RALGPS2: variants seen among roughly 807,000 people sequenced by gnomAD.
RALGPS2 encodes the protein Ral GEF with PH domain and SH3 binding motif 2, also known as ras-specific guanine nucleotide-releasing factor RalGPS2.
A neutral mutation model predicts 86.8 loss-of-function variants in RALGPS2; 43 were observed. The ratio of observed to expected loss-of-function variants is 0.50; its 90% CI spans 0.39 to 0.64. The LOEUF is 0.64. RALGPS2 is among the 30% of genes least tolerant of loss of function. RALGPS2 has a pLI of 0.00. For missense variants in RALGPS2, 536 were observed against 694.6 expected (o/e 0.77, Z 2.57); for synonymous variants, 243 against 231.3 (o/e 1.05, Z -0.46).
intron 1 of RALGPS2, chr1:178,747,179 G>T: frequency 9.2e-7 from 1 of 1,083,088 alleles, no homozygotes; most frequent in Non-Finnish European, 1.4e-6. Flanking sequence ...GAAGGTGCTG[G>T]AGCGTCCAGT....
chr1:178,726,201 AT>A (rs1340150936), intron 1 of RALGPS2: 1 of 152,264 alleles, frequency 6.6e-6, no homozygotes, highest in Non-Finnish European at 1.5e-5. Context: ...GCAGTATCGG[AT>A]TAGGTAGGCT....
chr1:178,773,022 G>C (rs1277826781), intron 1 of RALGPS2, among the ~76,000 whole-genome samples: 1 of 152,076 alleles, frequency 6.6e-6, no homozygotes, highest in African/African-American at 2.4e-5. Context: ...GGCTGGTCTC[G>C]AACTCCTGAC....
At chr1:178,844,610 G>C (rs535308472) in intron 8 of RALGPS2, among the ~76,000 whole-genome samples, 3 of 152,162 alleles carry the variant, frequency 2.0e-5, no homozygotes, top group Admixed American at 2.0e-4. Context: ...GGAATAGTTG[G>C]CAAATCTGAA....
chr1:178,896,574 C>T (rs566426121), intron 16 of RALGPS2, among the ~76,000 whole-genome samples: 4 of 148,198 alleles, frequency 2.7e-5, no homozygotes, highest in African/African-American at 7.5e-5. Context: ...CCCACTAACT[C>T]GTCATCTAGC....
intron 8 of RALGPS2, among the ~76,000 whole-genome samples, chr1:178,859,884 T>C (rs1311788507): frequency 7.4e-6 from 1 of 136,030 alleles, no homozygotes; most frequent in Non-Finnish European, 1.6e-5. Context: ...GCCTGGCTAA[T>C]TTTTTTGTAT....
At chr1:178,808,174 A>G (rs1162911631) in intron 5 of RALGPS2, 46 bp downstream of exon 5, 9 of 1,237,162 alleles carry the variant, frequency 7.3e-6, no homozygotes, top group Admixed American at 1.9e-5. Flanking sequence ...CAGTTCCTCA[A>G]TATATACTTT....
chr1:178,825,913 G>A, intron 7 of RALGPS2, among the ~76,000 whole-genome samples: 1 of 152,062 alleles, frequency 6.6e-6, no homozygotes, highest in Admixed American at 6.6e-5. Context: ...TAGGGAGCAG[G>A]GTGAGAGATA....
rs774381829 is a variant in RALGPS2 at position 178,886,096 on chromosome 1, A to G, written c.1168A>G (p.Thr390Ala). The change falls in exon 13 of 20, where the codon ACT (threonine) becomes GCT (alanine). Residue 390 changes from threonine (T) to alanine (A), a missense_variant. Transcript: ENST00000367635. ...APSRGQAESS[T>A]LSSGISIGSS... ...ATCTCGAGGCCAAGCTGAAAGTTCT[A>G]CTCTTTCTAGTGGAATATCAATAGG... 12 of 1,612,678 alleles carry G rather than the reference A, an allele frequency of 7.4e-6. No homozygotes were observed. Among genetic ancestry groups the G allele is most frequent in the East Asian group, 4.5e-5 (2 of 44,838 alleles).
Position 178,920,201 on chromosome 1 carries a change from T to G in RALGPS2, c.*3842T>G, listed in dbSNP as rs1647238584. 1 of 152,074 alleles carries G rather than the reference T, an allele frequency of 6.6e-6. No individual in the cohort carries two copies. The highest frequency in any genetic ancestry group is 2.1e-4 in the South Asian group (1 of 4,834). The allele number at this position is 152,074 out of a possible 1,614,324, so 9.4% of individuals were successfully genotyped here. A position where few individuals can be genotyped will look rare whatever the true frequency, so the allele number is the denominator to read the frequency against. ...CCATGTGAACCTTCTCAAAATGATT[T>G]AAGTACCTTTGATTTTGCTCCCCTA... On this transcript the variant is annotated 3_prime_UTR_variant, in exon 20 of 20. Transcript: ENST00000367635.
rs147230120 is a variant in RALGPS2 at position 178,839,835 on chromosome 1, A to T, written c.607+6285A>T. 3.2e-4 allele frequency among the ~76,000 whole-genome samples: 49 copies of T among 152,344 alleles called. 1 individual carries two copies. In the East Asian group the frequency reaches 7.9e-3, roughly 25 times the overall value. ...AGGAAGATCTGCCAAGCAAATGGAA[A>T]ACAAAAAAAGGGGTTGCGATCCTAG... is the stretch of plus-strand genomic sequence containing the variant. On this transcript the variant is annotated intron_variant, in intron 8 of 19. Coordinates refer to ENST00000367635, the MANE Select transcript of RALGPS2 (RefSeq NM_152663.5).
Position 178,883,938 on chromosome 1 carries a change from G to A in RALGPS2, c.904+405G>A, listed in dbSNP as rs552317173. On this transcript the variant is annotated intron_variant, in intron 11 of 19. Coordinates refer to ENST00000367635, the MANE Select transcript of RALGPS2 (RefSeq NM_152663.5). ...CGGGAGGCAGAGCTTGCAATGAGCC[G>A]AGATCGTGCCACTGCACTCCAGCCT... 3.4e-3 allele frequency among the ~76,000 whole-genome samples: 513 copies of A among 151,990 alleles called. 3 individuals carry two copies. Among genetic ancestry groups the A allele is most frequent in the African/African-American group, 0.012 (490 of 41,448 alleles).
chr1:178,865,877 T>A, intron 8 of RALGPS2: 2 of 885,248 alleles, frequency 2.3e-6, no homozygotes, highest in Non-Finnish European at 3.4e-6. Flanking sequence ...TCAGTAATCT[T>A]AAAAACTATC....
At chr1:178,762,741 G>A (rs899223251) in intron 1 of RALGPS2, among the ~76,000 whole-genome samples, 1 of 152,082 alleles carries the variant, frequency 6.6e-6, no homozygotes, top group Non-Finnish European at 1.5e-5. Flanking sequence ...ATAGATCCTG[G>A]ATATTAGATA....
Position 178,893,949 on chromosome 1 carries a change from T to C in RALGPS2, c.1356T>C (p.His452=). The C allele has an allele frequency of 6.2e-7, 1 of 1,608,656 alleles. No individual in the cohort carries two copies. The highest frequency in any genetic ancestry group is 8.5e-7 in the Non-Finnish European group (1 of 1,176,638). Residue 452 remains histidine (H), a synonymous_variant, in exon 16 of 20, where the codon CAT becomes CAC. Transcript: ENST00000367635. ...SSAESEDLAV[H]LYPGAVTIQG... ...CAGAATCAGAAGATTTGGCAGTACA[T>C]TTATATCCAGGAGCTGTTACTATTC...
chr1:178,728,504 T>G (rs1294630816), intron 1 of RALGPS2, among the ~76,000 whole-genome samples: 1 of 151,986 alleles, frequency 6.6e-6, no homozygotes, highest in African/African-American at 2.4e-5. Context: ...GTGTATCCAT[T>G]TTTTGAATAT....
At chr1:178,859,916 G>A (rs1048723894) in intron 8 of RALGPS2, among the ~76,000 whole-genome samples, 6 of 149,292 alleles carry the variant, frequency 4.0e-5, no homozygotes, top group African/African-American at 9.9e-5. Context: ...ACGGGGTTTC[G>A]CCATGTTAGC....
At chr1:178,869,225 T>C (rs1658601316) in intron 8 of RALGPS2, 1 of 152,062 alleles carries the variant, frequency 6.6e-6, no homozygotes, top group Non-Finnish European at 1.5e-5. Flanking sequence ...TATTGCCAGC[T>C]AGTAGAGAGA....
Position 178,811,417 on chromosome 1 carries a change from T to G in RALGPS2, c.387+13T>G. On this transcript the variant is annotated intron_variant, in intron 6 of 19. Transcript: ENST00000367635. Reference sequence around the variant, plus strand: ...TAAAACTGCTAAGGTAAGAAAAACTTGTGTTTTTATTTTTGAGTTCAACCA... The same window carrying G: ...TAAAACTGCTAAGGTAAGAAAAACTGGTGTTTTTATTTTTGAGTTCAACCA... 1 of 1,490,584 alleles carries G rather than the reference T, an allele frequency of 6.7e-7. No homozygotes were observed. Among genetic ancestry groups the G allele is most frequent in the Non-Finnish European group, 9.0e-7 (1 of 1,112,412 alleles). The allele number at this position is 1,490,584 out of a possible 1,614,324, so 92.3% of individuals were successfully genotyped here.
At chr1:178,897,558 G>T in intron 16 of RALGPS2, 106 bp from the exon 17 acceptor site, 2 of 867,878 alleles carry the variant, frequency 2.3e-6, no homozygotes, top group South Asian at 2.9e-5. Flanking sequence ...CTGAGGTTAG[G>T]ACTTTGGTTG....
Sources: allele counts gnomAD v4.1 joint callset (sites outside exome capture counted in the v4.1 genomes callset), GRCh38; gene constraint gnomAD v4.1.1; transcripts MANE v1.5; gene names NCBI Gene and HGNC (gene_info 2026-07-23, HGNC 2026-07-21).